The following SLC36A2 variants were observed in gnomAD, a reference collection of about 807,000 sequenced individuals.
SLC36A2 encodes the protein solute carrier family 36 member 2.
SLC36A2 carries 39 observed loss-of-function variants against 42.7 expected under a neutral mutation model. The ratio of observed to expected loss-of-function variants is 0.91; its 90% CI spans 0.71 to 1.19. The LOEUF (loss-of-function observed/expected upper bound fraction) is 1.19. Among genes scored for constraint, SLC36A2 ranks in the 50% most tolerant of loss-of-function variants. The pLI is 0.00. For missense variants in SLC36A2, 590 were observed against 613.7 expected (o/e 0.96, Z 0.41); for synonymous variants, 237 against 240.8 (o/e 0.98, Z 0.15).
At position 151,344,166 on chromosome 5, in the gene SLC36A2, G is replaced by C. The variant is rs773526511; in HGVS notation, c.255+11C>G. 6.2e-7 allele frequency: 1 copy of C among 1,612,876 alleles called. No individual in the cohort carries two copies. Among genetic ancestry groups the C allele is most frequent in the Admixed American group, 1.7e-5 (1 of 59,944 alleles). On this transcript the variant is annotated intron_variant, in intron 2 of 9. Coordinates refer to ENST00000335244, the MANE Select transcript of SLC36A2 (RefSeq NM_181776.3). Reference sequence around the variant, plus strand: ...TGACCATAAAGCCCCCACATGTGGCGCCTCTCTTACCAGGATGCCCGCGTT... The same window carrying C: ...TGACCATAAAGCCCCCACATGTGGCCCCTCTCTTACCAGGATGCCCGCGTT...
chr5:151,319,245 T>C (rs3846710), intron 9 of SLC36A2: 57,915 of 423,210 alleles, frequency 0.14, 4,888 homozygotes, highest in East Asian at 0.39. Context: ...TAGTGTAGGC[T>C]TAAGGGATTG....
At chr5:151,321,349 T>C (rs1039926293) in intron 9 of SLC36A2, among the ~76,000 whole-genome samples, 2 of 149,930 alleles carry the variant, frequency 1.3e-5, no homozygotes, top group South Asian at 2.1e-4. Flanking sequence ...TTCTTTCTTT[T>C]TTTTTTTTTT....
chr5:151,334,636 A>T (rs2127294120), intron 6 of SLC36A2, among the ~76,000 whole-genome samples: 1 of 152,316 alleles, frequency 6.6e-6, no homozygotes, highest in East Asian at 1.9e-4. Flanking sequence ...GGCTGCAGTG[A>T]GCTGAGATTG....
At chr5:151,338,671 G>T (rs1393937998) in intron 5 of SLC36A2, 1 of 207,962 alleles carries the variant, frequency 4.8e-6, no homozygotes, top group Non-Finnish European at 9.1e-6. Flanking sequence ...GCAATATCCT[G>T]TCTCAAAAAG....
Position 151,339,102 on chromosome 5 carries a change from G to GA in SLC36A2, c.482dup (p.Cys162LeufsTer10). On this transcript the variant is annotated frameshift_variant, in exon 5 of 10. Transcript: ENST00000335244. LOFTEE classifies it high-confidence loss of function. ...CCAAAAACACAATGTACACACAGCA[G>GA]AAGCCAAGTTGGGTGATAATAAGGA... The GA allele has an allele frequency of 6.2e-7, 1 of 1,610,618 alleles. No homozygotes were observed. Among genetic ancestry groups the GA allele is most frequent in the East Asian group, 2.2e-5 (1 of 44,748 alleles).
rs536217307 is a variant in SLC36A2 at position 151,328,560 on chromosome 5, C to T, written c.844-3108G>A. Among the ~76,000 whole-genome samples, 21 of 152,232 alleles carry T rather than the reference C, an allele frequency of 1.4e-4. No homozygotes were observed. The South Asian group carries it at 1.9e-3, about 14-fold the overall frequency. On this transcript the variant is annotated intron_variant, in intron 7 of 9. Transcript: ENST00000335244. ...CTGTTTCTTTGTTTTATCTCCAGGC[C>T]ATGACCTCAAGGCAAGTCCTAGTCA...
intron 6 of SLC36A2, among the ~76,000 whole-genome samples, chr5:151,333,564 T>G (rs1756057935): frequency 6.6e-6 from 1 of 152,158 alleles, no homozygotes; most frequent in South Asian, 2.1e-4. Context: ...GAGTTTGGTT[T>G]ATGAAAAACC....
chr5:151,325,157 T>C, intron 8 of SLC36A2, 129 bp downstream of exon 8: 1 of 1,111,494 alleles, frequency 9.0e-7, no homozygotes, highest in Non-Finnish European at 1.3e-6. Context: ...GTGGTTCCAA[T>C]GACAATTCTG....
In SLC36A2 at chr5:151,315,180, G is replaced by A. The variant is rs976158684; in HGVS notation, c.*1637C>T. The A allele has an allele frequency of 1.3e-5, 2 of 152,552 alleles. No individual in the cohort carries two copies. Among genetic ancestry groups the A allele is most frequent in the African/African-American group, 2.4e-5 (1 of 41,416 alleles). The allele number at this position is 152,552 out of a possible 1,614,324, so 9.4% of individuals were successfully genotyped here. On this transcript the variant is annotated 3_prime_UTR_variant, in exon 10 of 10. Transcript: ENST00000335244. Reference sequence around the variant, plus strand: ...TGTTCCACATGGTCTCTGATCCTCCGGTAGGCTAGCCCAGGATGCTTTACT... The same window carrying A: ...TGTTCCACATGGTCTCTGATCCTCCAGTAGGCTAGCCCAGGATGCTTTACT...
chr5:151,339,185 A>C (rs752178486), intron 4 of SLC36A2, 41 bp from the exon 5 acceptor site: 2 of 1,503,562 alleles, frequency 1.3e-6, no homozygotes, highest in Non-Finnish European at 1.8e-6. Flanking sequence ...CTTGTTATAA[A>C]ATAAGTCAAC....
Position 151,344,220 on chromosome 5 carries a change from C to A in SLC36A2, c.212G>T (p.Gly71Val), listed in dbSNP as rs747689748. Residue 71 changes from glycine (G) to valine (V), a missense_variant, in exon 2 of 10, where the codon GGG (glycine) becomes GTG (valine). Gly to Val is a moderately radical substitution (Grantham distance 109, BLOSUM62 -3). Coordinates refer to ENST00000335244, the MANE Select transcript of SLC36A2 (RefSeq NM_181776.3). Reference sequence around the variant, plus strand: ...CACAGCGAGGGGTAGTCCCAGGATCCCTGTGCCCATGTTGCCTTTCACCAG... The same window carrying A: ...CACAGCGAGGGGTAGTCCCAGGATCACTGTGCCCATGTTGCCTTTCACCAG... ...IHLVKGNMGT[G>V]ILGLPLAVKN... is the part of the protein sequence containing the mutation. The A allele has an allele frequency of 1.2e-6, 2 of 1,614,180 alleles. No homozygotes were observed. The highest frequency in any genetic ancestry group is 2.2e-5 in the South Asian group (2 of 91,058).
chr5:151,343,033 C>T (rs748051437), intron 3 of SLC36A2, 50 bp from the exon 4 acceptor site: 2 of 1,456,920 alleles, frequency 1.4e-6, no homozygotes. Flanking sequence ...TTAGCCTAAA[C>T]TCACATGGTC....
At chr5:151,338,745 C>G in intron 5 of SLC36A2, 1 of 251,206 alleles carries the variant, frequency 4.0e-6, no homozygotes, top group Non-Finnish European at 7.9e-6. Flanking sequence ...AGACCCATAT[C>G]AATTTTAGAA....
At position 151,316,678 on chromosome 5, in the gene SLC36A2, T is replaced by G; in HGVS notation, c.*139A>C. 1 of 1,091,764 alleles carries G rather than the reference T, an allele frequency of 9.2e-7. No homozygotes were observed. Among genetic ancestry groups the G allele is most frequent in the Non-Finnish European group, 1.3e-6 (1 of 789,576 alleles). 67.6% of individuals were successfully genotyped at this position (1,091,764 alleles called of 1,614,324 possible). On this transcript the variant is annotated 3_prime_UTR_variant, in exon 10 of 10. Coordinates refer to ENST00000335244, the MANE Select transcript of SLC36A2 (RefSeq NM_181776.3). ...TCGCTTGAACCCAGGAGGCCGAAGT[T>G]GTGGTGAGCTGAGATCGCATCATTG...
chr5:151,320,445 G>A (rs1201296155), intron 9 of SLC36A2, among the ~76,000 whole-genome samples: 1 of 151,520 alleles, frequency 6.6e-6, no homozygotes, highest in Non-Finnish European at 1.5e-5. Context: ...AATGGATAAA[G>A]AAAATGTGGT....
chr5:151,338,604 A>T (rs1756224283), intron 5 of SLC36A2: 2 of 162,978 alleles, frequency 1.2e-5, no homozygotes, highest in South Asian at 3.2e-4. Context: ...TGAGCCTGGG[A>T]GTTTGAGGCT....
chr5:151,342,145 A>C (rs1347425618), intron 4 of SLC36A2, among the ~76,000 whole-genome samples: 1 of 152,216 alleles, frequency 6.6e-6, no homozygotes, highest in African/African-American at 2.4e-5. Flanking sequence ...GTTGGTTTTA[A>C]GAAAAGAACA....
At chr5:151,321,164 T>C (rs1285480373) in intron 9 of SLC36A2, among the ~76,000 whole-genome samples, 1 of 148,904 alleles carries the variant, frequency 6.7e-6, no homozygotes, top group Non-Finnish European at 1.5e-5. Context: ...TATTTATTTA[T>C]TTATTTATTA....
rs534661897 is a variant in SLC36A2 at position 151,338,941 on chromosome 5, A to G, written c.525+119T>C. Reference sequence around the variant, plus strand: ...AGGGGAGGCAAGTTTGACAACATCTAGTTTAACTTCCTTTGTTACATTGAT... The same window carrying G: ...AGGGGAGGCAAGTTTGACAACATCTGGTTTAACTTCCTTTGTTACATTGAT... On this transcript the variant is annotated intron_variant, in intron 5 of 9. Transcript: ENST00000335244. 13 of 766,644 alleles carry G rather than the reference A, an allele frequency of 1.7e-5. 1 individual carries two copies. Among genetic ancestry groups the G allele is most frequent in the South Asian group, 1.2e-4 (9 of 74,396 alleles). 47.5% of individuals were successfully genotyped at this position (766,644 alleles called of 1,614,324 possible).
Sources: allele counts gnomAD v4.1 joint callset (sites outside exome capture counted in the v4.1 genomes callset), GRCh38; gene constraint gnomAD v4.1.1; transcripts MANE v1.5; gene names NCBI Gene and HGNC (gene_info 2026-07-23, HGNC 2026-07-21).